Variants in CALCR observed in about 807,000 individuals in gnomAD.
The protein encoded by CALCR is calcitonin receptor.
Under a neutral mutation model 59.5 loss-of-function variants are expected in CALCR, and 47 were observed. That is an observed-to-expected ratio of 0.79 (90% CI 0.63 to 1.01). The LOEUF (loss-of-function observed/expected upper bound fraction) is 1.01, where lower values mean the gene tolerates loss of function less well. CALCR is among the 50% of genes least tolerant of loss of function. The pLI is 0.00. For missense variants in CALCR, 566 were observed against 597.1 expected (o/e 0.95, Z 0.54); for synonymous variants, 213 against 211.3 (o/e 1.01, Z -0.07).
intron 2 of CALCR, among the ~76,000 whole-genome samples, chr7:93,504,019 C>T (rs1308226984): frequency 1.3e-5 from 2 of 152,126 alleles, no homozygotes; most frequent in East Asian, 3.9e-4. Context: ...TTAAGAGTGC[C>T]CTGGTGGTGA....
At chr7:93,510,788 GGA>G (rs1349123792) in intron 2 of CALCR, among the ~76,000 whole-genome samples, 1 of 152,100 alleles carries the variant, frequency 6.6e-6, no homozygotes, top group Non-Finnish European at 1.5e-5. Context: ...CTTGAGCCCA[GGA>G]GTTCAAAGCT....
intron 13 of CALCR, among the ~76,000 whole-genome samples, chr7:93,431,834 A>C (rs1799664516): frequency 6.6e-6 from 1 of 152,258 alleles, no homozygotes; most frequent in African/African-American, 2.4e-5. Context: ...ACACAAGAAA[A>C]GGGAGAAAAT....
chr7:93,449,060 A>G (rs1441333244), intron 8 of CALCR, among the ~76,000 whole-genome samples: 1 of 152,022 alleles, frequency 6.6e-6, no homozygotes, highest in African/African-American at 2.4e-5. Context: ...GAAATGGTCT[A>G]AATAGTACCA....
At chr7:93,488,602 G>A (rs1171503454) in intron 2 of CALCR, among the ~76,000 whole-genome samples, 292 of 48,404 alleles carry the variant, frequency 6.0e-3, no homozygotes, top group African/African-American at 8.5e-3. Flanking sequence ...AAAAAAAAAA[G>A]CATGGGTTGC....
rs747921380 is a variant in CALCR at position 93,479,421 on chromosome 7, C to A, written c.138G>T (p.Lys46Asn). Reference sequence around the variant, plus strand: ...ATTTGTACTGTGCATCCATCATCTTCTTTCGTCCTACGACGTAAAGAAATG... The same window carrying A: ...ATTTGTACTGTGCATCCATCATCTTATTTCGTCCTACGACGTAAAGAAATG... Reference protein sequence around the residue: ...PKPFLYVVGRKKMMDAQYKCY... With the variant: ...PKPFLYVVGRNKMMDAQYKCY... Residue 46 changes from lysine (K) to asparagine (N), a missense_variant, in exon 4 of 14, where the codon AAG becomes AAT. Transcript: ENST00000426151. 1.2e-6 allele frequency: 2 copies of A among 1,612,664 alleles called. No homozygotes were observed. The highest frequency in any genetic ancestry group is 2.2e-5 in the East Asian group (1 of 44,802).
Position 93,426,412 on chromosome 7 carries a change from C to G in CALCR, c.1369G>C (p.Glu457Gln). ...AAAGGGATGATCTCAGCACTCTCCT[C>G]GCCTTGGTTGTTGGCTGGTTCATTC... ...LRNEPANNQG[E>Q]ESAEIIPLNI... Residue 457 changes from glutamate to glutamine, a missense_variant, in exon 14 of 14, where the codon GAG becomes CAG. Glu to Gln is a conservative substitution (Grantham distance 29). Coordinates refer to ENST00000426151, the MANE Select transcript of CALCR (RefSeq NM_001742.4). 1 of 1,613,880 alleles carries G rather than the reference C, an allele frequency of 6.2e-7. No individual in the cohort carries two copies. Among genetic ancestry groups the G allele is most frequent in the Non-Finnish European group, 8.5e-7 (1 of 1,179,788 alleles).
At chr7:93,466,992 A>T (rs1459841308) in intron 7 of CALCR, among the ~76,000 whole-genome samples, 1 of 151,758 alleles carries the variant, frequency 6.6e-6, no homozygotes, top group Non-Finnish European at 1.5e-5. Flanking sequence ...ATTACCTTTA[A>T]AGTCCTGACT....
At chr7:93,489,580 G>A in intron 2 of CALCR, among the ~76,000 whole-genome samples, 1 of 151,524 alleles carries the variant, frequency 6.6e-6, no homozygotes, top group East Asian at 1.9e-4. Context: ...ATGAAAAAGG[G>A]GGTATCATCA....
At chr7:93,447,595 C>G in intron 8 of CALCR, among the ~76,000 whole-genome samples, 1 of 151,852 alleles carries the variant, frequency 6.6e-6, no homozygotes, top group Non-Finnish European at 1.5e-5. Context: ...CAGAGCTGAT[C>G]TGTGGAAACA....
chr7:93,480,165 C>A (rs561226697), intron 3 of CALCR, among the ~76,000 whole-genome samples: 1 of 152,004 alleles, frequency 6.6e-6, no homozygotes, highest in South Asian at 2.1e-4. Flanking sequence ...CATTTTGGTA[C>A]AGATTGACAA....
intron 2 of CALCR, among the ~76,000 whole-genome samples, chr7:93,510,500 A>T (rs1801522611): frequency 6.6e-6 from 1 of 152,302 alleles, no homozygotes; most frequent in East Asian, 1.9e-4. Context: ...TTAAAACTAC[A>T]GATAGCACTG....
intron 5 of CALCR, among the ~76,000 whole-genome samples, chr7:93,474,999 A>G (rs1800637120): frequency 6.6e-6 from 1 of 151,722 alleles, no homozygotes; most frequent in East Asian, 1.9e-4. Context: ...GGGCTGAAAA[A>G]TCACTGAGAT....
chr7:93,519,454 T>C (rs562596394), intron 2 of CALCR, among the ~76,000 whole-genome samples: 55 of 152,138 alleles, frequency 3.6e-4, no homozygotes, highest in African/African-American at 1.3e-3. Flanking sequence ...ATTTGTACAA[T>C]TAGGTAAATG....
At chr7:93,475,542 G>GTTT (rs4015274) in intron 5 of CALCR, among the ~76,000 whole-genome samples, 44 of 149,876 alleles carry the variant, frequency 2.9e-4, no homozygotes, top group South Asian at 1.7e-3. Flanking sequence ...GCAGAAAGTA[G>GTTT]TTTTTTTTTT....
rs1457756429 is a variant in CALCR at position 93,479,548 on chromosome 7, A to G, written c.52-41T>C. 1.9e-6 allele frequency: 3 copies of G among 1,565,184 alleles called. No homozygotes were observed. In the Admixed American group the frequency reaches 5.5e-5, roughly 29 times the overall value. On this transcript the variant is annotated intron_variant, in intron 3 of 13. Transcript: ENST00000426151. ...AAATCAGTTACTTATAGACAGGAGG[A>G]ATGGGTGAGCACAAATAAATGAGAC...
intron 9 of CALCR, among the ~76,000 whole-genome samples, chr7:93,442,949 G>C (rs1352795878): frequency 3.3e-5 from 5 of 152,014 alleles, no homozygotes; most frequent in African/African-American, 9.7e-5. Flanking sequence ...CAGCAGCCCT[G>C]GGGGAAAGGG....
chr7:93,523,806 T>G (rs1262831900), intron 2 of CALCR, among the ~76,000 whole-genome samples: 1 of 152,148 alleles, frequency 6.6e-6, no homozygotes, highest in Non-Finnish European at 1.5e-5. Context: ...AATATTTTTA[T>G]ATTATTCATT....
chr7:93,488,584 A>C (rs1356392043), intron 2 of CALCR, among the ~76,000 whole-genome samples: 1 of 134,088 alleles, frequency 7.5e-6, no homozygotes, highest in South Asian at 2.5e-4. Flanking sequence ...AATGGAAAGA[A>C]AAAAAAAAAA....
intron 2 of CALCR, chr7:93,495,791 C>A: frequency 1.1e-6 from 1 of 945,374 alleles, no homozygotes; most frequent in Non-Finnish European, 1.6e-6. Context: ...GCCTAAAAAT[C>A]TGATTGTTGT....
Sources: gnomAD v4.1 joint callset for allele counts (sites outside exome capture counted in the v4.1 genomes callset) on GRCh38, gnomAD v4.1.1 for gene constraint, MANE v1.5 for transcripts, NCBI Gene and HGNC (gene_info 2026-07-23, HGNC 2026-07-21) for gene names.